The following ZNF280D variants were observed in gnomAD, a reference collection of about 807,000 sequenced individuals.
ZNF280D encodes zinc finger protein 280D, also known as suppressor of hairy wing homolog 4.
Under a neutral mutation model 94.7 loss-of-function variants are expected in ZNF280D, and 39 were observed. The ratio of observed to expected loss-of-function variants is 0.41; its 90% CI spans 0.32 to 0.54. The LOEUF is 0.54. Ranked by LOEUF, ZNF280D falls within the 20% of genes least tolerant of loss-of-function variation. The pLI, the probability that ZNF280D is intolerant of heterozygous loss-of-function variation, is 0.22. For synonymous variants in ZNF280D, 398 were observed against 377.6 expected (o/e 1.05, Z -0.63); for missense variants, 1,090 against 1,149.3 (o/e 0.95, Z 0.75).
At chr15:56,653,129 G>T in intron 19 of ZNF280D, 1 of 998,842 alleles carries the variant, frequency 1.0e-6, no homozygotes, top group Non-Finnish European at 1.2e-6. Flanking sequence ...GAACTTAATT[G>T]TGGAGACCTG....
At chr15:56,679,240 A>C (rs1324820474) in intron 10 of ZNF280D, among the ~76,000 whole-genome samples, 1 of 152,188 alleles carries the variant, frequency 6.6e-6, no homozygotes, top group Non-Finnish European at 1.5e-5. Context: ...AAAACACTAA[A>C]ATAAAGGAAA....
chr15:56,676,134 AC>A (rs2055216793), intron 13 of ZNF280D, among the ~76,000 whole-genome samples: 1 of 152,084 alleles, frequency 6.6e-6, no homozygotes, highest in South Asian at 2.1e-4. Flanking sequence ...GAGTTCATAT[AC>A]TGATCAGTAA....
intron 1 of ZNF280D, among the ~76,000 whole-genome samples, chr15:56,729,477 A>G (rs1165556152): frequency 6.6e-6 from 1 of 152,224 alleles, no homozygotes; most frequent in Admixed American, 6.5e-5. Context: ...AGCTCAGTGC[A>G]TTCTCAACCA....
chr15:56,657,127 A>C (rs1325315188), intron 17 of ZNF280D, among the ~76,000 whole-genome samples: 1 of 151,046 alleles, frequency 6.6e-6, no homozygotes, highest in African/African-American at 2.4e-5. Context: ...TGACATTTCA[A>C]GGAGCAATGG....
At chr15:56,688,526 C>T (rs572651346) in intron 9 of ZNF280D, among the ~76,000 whole-genome samples, 1 of 144,634 alleles carries the variant, frequency 6.9e-6, no homozygotes, top group Non-Finnish European at 1.5e-5. Context: ...AATTAATTTA[C>T]ACAATTATAT....
intron 20 of ZNF280D, chr15:56,635,638 A>C (rs1357837611): frequency 6.6e-6 from 1 of 152,544 alleles, no homozygotes; most frequent in Non-Finnish European, 1.5e-5. Context: ...ATATAAATAT[A>C]TTAGGCACAG....
intron 16 of ZNF280D, among the ~76,000 whole-genome samples, chr15:56,658,840 G>T (rs2053720188): frequency 6.6e-6 from 1 of 152,118 alleles, no homozygotes; most frequent in African/African-American, 2.4e-5. Flanking sequence ...AATAACACGT[G>T]TGCTACAATA....
Position 56,632,106 on chromosome 15 carries a change from C to T in ZNF280D, c.2332G>A (p.Ala778Thr), listed in dbSNP as rs778675674. 1 of 1,584,466 alleles carries T rather than the reference C, an allele frequency of 6.3e-7. No individual in the cohort carries two copies. Among genetic ancestry groups the T allele is most frequent in the South Asian group, 1.2e-5 (1 of 85,522 alleles). ...CATCCATTTTTTTCTTTTGAAGAAGCAGCTTTATCTTGTTTACTGAAAAAT... is the reference window on the plus strand; with the variant it reads ...CATCCATTTTTTTCTTTTGAAGAAGTAGCTTTATCTTGTTTACTGAAAAAT... Reference protein sequence around the residue: ...SNSESKQDKAASSKEKNGCNA... With the variant: ...SNSESKQDKATSSKEKNGCNA... Residue 778 changes from alanine to threonine, a missense_variant, in exon 22 of 22, where the codon GCT (alanine) becomes ACT (threonine). Around this residue, in one of 3 missense-constraint regions of ZNF280D, gnomAD observed 577 missense variants for 568.8 expected, o/e 1.01. Transcript: ENST00000267807.
At chr15:56,700,301 C>T (rs1214809473) in intron 6 of ZNF280D, 2 of 510,714 alleles carry the variant, frequency 3.9e-6, no homozygotes, top group Admixed American at 6.3e-5. Context: ...ATCTTTCAAC[C>T]TCTATGAGCC....
chr15:56,668,988 A>T (rs2054491864), intron 13 of ZNF280D, 31 bp from the exon 14 acceptor site: 1 of 1,585,158 alleles, frequency 6.3e-7, no homozygotes, highest in African/African-American at 1.4e-5. Context: ...AAAGGGGGAA[A>T]AATAATTTCA....
intron 1 of ZNF280D, among the ~76,000 whole-genome samples, chr15:56,725,279 A>C (rs2058576462): frequency 6.6e-6 from 1 of 152,144 alleles, no homozygotes; most frequent in Non-Finnish European, 1.5e-5. Context: ...AACCTGATCA[A>C]AAAAAGATGT....
chr15:56,691,217 C>T (rs2056404030), intron 7 of ZNF280D, among the ~76,000 whole-genome samples: 1 of 152,100 alleles, frequency 6.6e-6, no homozygotes, highest in African/African-American at 2.4e-5. Flanking sequence ...TAAGGGCAAA[C>T]ATTACAGCAA....
At position 56,689,112 on chromosome 15, in the gene ZNF280D, G is replaced by A. The variant is rs1195982505; in HGVS notation, c.709C>T (p.Pro237Ser). ...CACTTTGGACAAGCTCTTGGAAAAG[G>A]TGTTCCATTTTTAGACTGATTTGAT... ...TSSNQSKNGT[P>S]FPRACPKCNI... Residue 237 changes from proline (P) to serine (S), a missense_variant, in exon 9 of 22, where the codon CCT (proline) becomes TCT (serine). Physicochemically the swap from Pro to Ser is moderately conservative, Grantham distance 74. This residue lies in a region of ZNF280D where 386 missense variants were observed against 372.0 expected (regional missense o/e 1.04). Transcript: ENST00000267807. 6.2e-7 allele frequency: 1 copy of A among 1,610,564 alleles called. No homozygotes were observed. The highest frequency in any genetic ancestry group is 8.5e-7 in the Non-Finnish European group (1 of 1,178,566).
intron 10 of ZNF280D, among the ~76,000 whole-genome samples, chr15:56,679,578 A>G (rs2055480534): frequency 6.6e-6 from 1 of 152,220 alleles, no homozygotes; most frequent in African/African-American, 2.4e-5. Context: ...CTTCAATGGC[A>G]GAGGGTGCAA....
intron 6 of ZNF280D, chr15:56,697,714 T>C (rs1455894923): frequency 6.6e-6 from 1 of 152,188 alleles, no homozygotes; most frequent in African/African-American, 2.4e-5. Context: ...ACATTGGTTA[T>C]ATCTATCAAT....
At chr15:56,718,736 T>C (rs1233783744) in intron 1 of ZNF280D, among the ~76,000 whole-genome samples, 2 of 152,178 alleles carry the variant, frequency 1.3e-5, no homozygotes, top group African/African-American at 4.8e-5. Context: ...ACTTTGTCAG[T>C]CAAAACTGAG....
chr15:56,631,665 C>T lies in ZNF280D; in HGVS notation c.2773G>A (p.Glu925Lys), dbSNP rs866653627. The change falls in exon 22 of 22, where the codon GAG (glutamate) becomes AAG (lysine). Residue 925 changes from glutamate to lysine, a missense_variant. Around this residue, in one of 3 missense-constraint regions of ZNF280D, gnomAD observed 577 missense variants for 568.8 expected, o/e 1.01. Transcript: ENST00000267807. ...SIHLEPLTPS[E>K]VLEYEATEIL... ...TCTGTGGCTTCATACTCAAGTACCT[C>T]GGATGGAGTCAGAGGTTCCAAATGA... 9 of 1,614,016 alleles carry T rather than the reference C, an allele frequency of 5.6e-6. No homozygotes were observed. Among genetic ancestry groups the T allele is most frequent in the Middle Eastern group, 1.6e-4 (1 of 6,084 alleles).
At chr15:56,716,343 GAA>G (rs1193960263) in intron 1 of ZNF280D, among the ~76,000 whole-genome samples, 1 of 152,040 alleles carries the variant, frequency 6.6e-6, no homozygotes, top group Non-Finnish European at 1.5e-5. Flanking sequence ...GCTAAAAAAA[GAA>G]AAGTGATAAT....
intron 16 of ZNF280D, among the ~76,000 whole-genome samples, chr15:56,663,366 A>G (rs1419502936): frequency 5.3e-5 from 8 of 151,812 alleles, no homozygotes; most frequent in Admixed American, 6.6e-5. Flanking sequence ...ACTTACAGGG[A>G]TGGATTGGGG....
Sources: allele counts gnomAD v4.1 joint callset (sites outside exome capture counted in the v4.1 genomes callset), GRCh38; gene constraint gnomAD v4.1.1; regional missense constraint gnomAD v4.1.1; transcripts MANE v1.5; gene names NCBI Gene and HGNC (gene_info 2026-07-23, HGNC 2026-07-21).